Variants in DSC3 observed in about 807,000 individuals in gnomAD.
DSC3 encodes the protein desmocollin 3, also known as desmocollin-3.
Under a neutral mutation model 89.5 loss-of-function variants are expected in DSC3, and 97 were observed. The observed-to-expected ratio is 1.08, with a 90% CI of 0.92 to 1.28. The LOEUF is 1.28. DSC3 is among the 50% of genes most tolerant of loss of function. The probability of loss-of-function intolerance (pLI) is 0.00; values close to 1 mark genes in which losing one functional copy is unlikely to be tolerated. For synonymous variants in DSC3, 436 were observed against 384.1 expected, an observed-to-expected ratio of 1.14 and a Z score of -1.58; for missense variants, 1,199 against 1,085.3, an observed-to-expected ratio of 1.10 and a Z score of -1.47.
At chr18:31,026,023 A>C in intron 4 of DSC3, 108 bp from the exon 5 acceptor site, 1 of 1,092,414 alleles carries the variant, frequency 9.2e-7, no homozygotes, top group East Asian at 2.6e-5. Context: ...ATTTCAAAAG[A>C]AAAGGTAGAA....
rs78615292 is a variant in DSC3, at chr18:31,030,031, T to C, written c.355-403A>G. Reference sequence around the variant, plus strand: ...CCTTAGGTCAGAGAAAGAAAATGTATGTCCTTCACTGCCATAGTGCTCTAT... The same window carrying C: ...CCTTAGGTCAGAGAAAGAAAATGTACGTCCTTCACTGCCATAGTGCTCTAT... On this transcript the variant is annotated intron_variant, in intron 3 of 15. Transcript: ENST00000360428. Among the ~76,000 whole-genome samples, 1,190 of 152,302 alleles carry C rather than the reference T, an allele frequency of 7.8e-3. 19 individuals are homozygous for C. The highest frequency in any genetic ancestry group is 0.028 in the African/African-American group (1,149 of 41,582).
Position 30,994,334 on chromosome 18 carries a change from T to C in DSC3, c.2532A>G (p.Pro844=), listed in dbSNP as rs373593560. Residue 844 remains proline, a synonymous_variant, in exon 16 of 16, where the codon CCA becomes CCG. Coordinates refer to ENST00000360428, the MANE Select transcript of DSC3 (RefSeq NM_001941.5). ...HRCNQNEDRM[P]SQDYVLTYNY... ...TATAAGTGAGGACATAATCTTGGGA[T>C]GGCATGCGGTCTTCATTCTGATTAC... 6.2e-7 allele frequency: 1 copy of C among 1,614,158 alleles called. No homozygotes were observed. The highest frequency in any genetic ancestry group is 1.3e-5 in the African/African-American group (1 of 75,062).
chr18:31,010,870 G>A (rs765374749), intron 9 of DSC3, among the ~76,000 whole-genome samples: 7 of 152,178 alleles, frequency 4.6e-5, no homozygotes, highest in Non-Finnish European at 8.8e-5. Context: ...TGTGGTTACA[G>A]AAAAGTTATC....
chr18:31,021,328 A>G (rs1036583429), intron 7 of DSC3, among the ~76,000 whole-genome samples: 2 of 152,326 alleles, frequency 1.3e-5, no homozygotes, highest in South Asian at 4.1e-4. Flanking sequence ...CTCCACAGAT[A>G]CAAAAGCACA....
At chr18:31,007,949 C>A in intron 11 of DSC3, 67 bp downstream of exon 11, 1 of 1,399,488 alleles carries the variant, frequency 7.1e-7, no homozygotes, top group Admixed American at 1.8e-5. Context: ...AATAAATCTG[C>A]ATAAGAATAA....
intron 9 of DSC3, among the ~76,000 whole-genome samples, chr18:31,017,423 G>A (rs562232678): frequency 1.3e-5 from 2 of 152,246 alleles, no homozygotes; most frequent in East Asian, 3.9e-4. Flanking sequence ...TTTTCAAACA[G>A]ATCCCTTCCT....
chr18:31,023,765 G>A (rs1018087537), intron 6 of DSC3, among the ~76,000 whole-genome samples: 1 of 152,090 alleles, frequency 6.6e-6, no homozygotes, highest in Non-Finnish European at 1.5e-5. Context: ...TAAGGGCCAG[G>A]TAAACTAAAA....
intron 9 of DSC3, among the ~76,000 whole-genome samples, chr18:31,016,581 A>G (rs897012124): frequency 6.6e-5 from 10 of 152,172 alleles, no homozygotes; most frequent in Non-Finnish European, 1.5e-4. Flanking sequence ...GCCAGTTCCC[A>G]TGTGTGCTGT....
At chr18:31,029,089 T>A (rs1470242533) in intron 4 of DSC3, among the ~76,000 whole-genome samples, 2 of 152,214 alleles carry the variant, frequency 1.3e-5, no homozygotes, top group African/African-American at 4.8e-5. Context: ...TCATCTCATT[T>A]GTTACCAAAT....
At position 31,007,065 on chromosome 18, in the gene DSC3, A is replaced by C. The variant is rs1567952097; in HGVS notation, c.1730T>G (p.Ile577Arg). The change falls in exon 12 of 16, where the codon ATA becomes AGA. Residue 577 changes from isoleucine to arginine, a missense_variant. Coordinates refer to ENST00000360428, the MANE Select transcript of DSC3 (RefSeq NM_001941.5). ...IEDVNDNPPE[I>R]LQEYVVICKP... ...GCAAATGACTACATATTCTTGAAGT[A>C]TTTCTGGTGGATTATCATTTACATC... The C allele has an allele frequency of 1.2e-6, 2 of 1,613,916 alleles. No homozygotes were observed. Among genetic ancestry groups the C allele is most frequent in the East Asian group, 2.2e-5 (1 of 44,830 alleles).
intron 9 of DSC3, among the ~76,000 whole-genome samples, chr18:31,011,576 A>C (rs62087274): frequency 0.032 from 4,868 of 152,318 alleles, 103 homozygotes; most frequent in South Asian, 0.051. Flanking sequence ...TCATTCTTTA[A>C]TCAGTACTCA....
chr18:31,009,180 A>G (rs1173137940), intron 9 of DSC3, among the ~76,000 whole-genome samples: 1 of 152,014 alleles, frequency 6.6e-6, no homozygotes, highest in Non-Finnish European at 1.5e-5. Context: ...CCTCCCATGT[A>G]GCTGGGACTA....
rs1230546707 is a variant in DSC3 at position 31,008,393 on chromosome 18, C to A, written c.1396G>T (p.Asp466Tyr). ...ALVTVHVRDL[D>Y]EGPECTPAAQ... Reference sequence around the variant, plus strand: ...GCAGGAGTGCATTCAGGCCCCTCATCCAGATCCCTCACATGAACTGTAACC... The same window carrying A: ...GCAGGAGTGCATTCAGGCCCCTCATACAGATCCCTCACATGAACTGTAACC... Residue 466 changes from aspartate to tyrosine, a missense_variant, in exon 10 of 16, where the codon GAT becomes TAT. Coordinates refer to ENST00000360428, the MANE Select transcript of DSC3 (RefSeq NM_001941.5). 6.2e-7 allele frequency: 1 copy of A among 1,614,130 alleles called. No individual in the cohort carries two copies. Among genetic ancestry groups the A allele is most frequent in the South Asian group, 1.1e-5 (1 of 91,080 alleles).
chr18:31,040,984 AAC>A (rs2144746678), intron 1 of DSC3, among the ~76,000 whole-genome samples: 1 of 144,888 alleles, frequency 6.9e-6, no homozygotes, highest in East Asian at 2.2e-4. Context: ...ATTTAACCTA[AAC>A]TCAACGGAAT....
Position 30,994,227 on chromosome 18 carries a change from T to C in DSC3, c.2639A>G (p.Asn880Ser). 6.2e-7 allele frequency: 1 copy of C among 1,614,120 alleles called. No individual in the cohort carries two copies. The highest frequency in any genetic ancestry group is 8.5e-7 in the Non-Finnish European group (1 of 1,180,000). The change falls in exon 16 of 16, where the codon AAT becomes AGT. Residue 880 changes from asparagine to serine, a missense_variant. Asn to Ser is a conservative substitution (Grantham distance 46). Coordinates refer to ENST00000360428, the MANE Select transcript of DSC3 (RefSeq NM_001941.5). The stretch of plus-strand genomic sequence containing the variant: ...TGTAATAAATTTGGGTTCCAAATTA[T>C]TTAAAAAGTCAAGGCCATCTTCTTC... ...KQEEDGLDFLNNLEPKFITLA... is the reference protein window; with the variant it reads ...KQEEDGLDFLSNLEPKFITLA...
intron 15 of DSC3, 93 bp from the exon 16 acceptor site, chr18:30,994,465 A>T: frequency 6.3e-7 from 1 of 1,597,818 alleles, no homozygotes; most frequent in Non-Finnish European, 8.5e-7. Context: ...TTTTATGTTT[A>T]ATTTTTAACC....
chr18:31,040,399 C>T (rs1986093901), intron 1 of DSC3, among the ~76,000 whole-genome samples: 1 of 152,106 alleles, frequency 6.6e-6, no homozygotes, highest in African/African-American at 2.4e-5. Context: ...CCTAACAATT[C>T]TGGTTACATT....
chr18:30,990,566 A>G lies in DSC3; in HGVS notation c.*3609T>C, dbSNP rs1357484693. On this transcript the variant is annotated 3_prime_UTR_variant, in exon 16 of 16. Transcript: ENST00000360428. ...AGTCTTAACGTTTGTAGGGGAGCAC[A>G]CTCCTGCATGGGGAAAAGATTCACT... 3 of 152,154 alleles carry G rather than the reference A, an allele frequency of 2.0e-5. No individual in the cohort carries two copies. The highest frequency in any genetic ancestry group is 7.2e-5 in the African/African-American group (3 of 41,432). The allele number at this position is 152,154 out of a possible 1,614,324, so 9.4% of individuals were successfully genotyped here.
At chr18:31,006,710 T>A (rs868583773) in intron 12 of DSC3, among the ~76,000 whole-genome samples, 197 bp downstream of exon 12, 43 of 152,324 alleles carry the variant, frequency 2.8e-4, no homozygotes, top group Middle Eastern at 3.4e-3. Context: ...AATGTTGCCT[T>A]CATAAAAATT....
Sources: allele counts gnomAD v4.1 joint callset (sites outside exome capture counted in the v4.1 genomes callset), GRCh38; gene constraint gnomAD v4.1.1; transcripts MANE v1.5; gene names NCBI Gene and HGNC (gene_info 2026-07-23, HGNC 2026-07-21).